SAXO1: variants seen among roughly 807,000 people sequenced by gnomAD.
The protein encoded by SAXO1 is stabilizer of axonemal microtubules 1.
SAXO1 carries 21 observed loss-of-function variants against 17.5 expected under a neutral mutation model. The ratio of observed to expected loss-of-function variants is 1.20; its 90% CI spans 0.85 to 1.72. SAXO1 has a LOEUF of 1.72. Ranked by LOEUF, SAXO1 falls within the 40% of genes most tolerant of loss-of-function variation. The probability of loss-of-function intolerance (pLI) is 0.00; values close to 1 mark genes in which losing one functional copy is unlikely to be tolerated. For synonymous variants in SAXO1, 274 were observed against 216.5 expected, an observed-to-expected ratio of 1.27 and a Z score of -2.33; for missense variants, 843 against 596.0, an observed-to-expected ratio of 1.41 and a Z score of -4.32.
At chr9:18,942,525 T>C (rs73648812) in intron 2 of SAXO1, among the ~76,000 whole-genome samples, 15,406 of 152,248 alleles carry the variant, frequency 0.1, 1,245 homozygotes, top group African/African-American at 0.23. Context: ...TGTTTATCTC[T>C]TTCCTCTACT....
At chr9:19,011,897 G>A (rs1234480687) in intron 1 of SAXO1, among the ~76,000 whole-genome samples, 2 of 143,134 alleles carry the variant, frequency 1.4e-5, no homozygotes, top group Non-Finnish European at 3.0e-5. Flanking sequence ...CCAGGCTAGA[G>A]TGCAGTGGCA....
chr9:18,994,860 G>C (rs1261891826), intron 1 of SAXO1, among the ~76,000 whole-genome samples: 1 of 152,184 alleles, frequency 6.6e-6, no homozygotes, highest in East Asian at 1.9e-4. Context: ...GGATCTGACA[G>C]GCTGCCAGCA....
At chr9:18,943,026 A>C (rs1450023123) in intron 2 of SAXO1, among the ~76,000 whole-genome samples, 2 of 152,222 alleles carry the variant, frequency 1.3e-5, no homozygotes, top group Non-Finnish European at 2.9e-5. Context: ...TCCTGGCCAA[A>C]ATCTGGAGCA....
chr9:18,969,262 T>A (rs1261339748), intron 1 of SAXO1, among the ~76,000 whole-genome samples: 1 of 152,136 alleles, frequency 6.6e-6, no homozygotes, highest in Non-Finnish European at 1.5e-5. Context: ...CTTCTCACAC[T>A]CTGAAGTTTG....
intron 1 of SAXO1, among the ~76,000 whole-genome samples, chr9:19,003,480 C>T (rs146924147): frequency 0.016 from 2,485 of 152,256 alleles, 72 homozygotes; most frequent in African/African-American, 0.056. Context: ...ATCATGCTAC[C>T]TGACTTCAAA....
chr9:19,008,559 G>A (rs898631191), intron 1 of SAXO1, among the ~76,000 whole-genome samples: 4 of 152,184 alleles, frequency 2.6e-5, no homozygotes, highest in Admixed American at 1.3e-4. Flanking sequence ...TATTTGAAGA[G>A]TTGAGTGATT....
rs1055831573 is a variant in SAXO1 at position 18,928,663 on chromosome 9, T to A, written c.814A>T (p.Thr272Ser). 1.9e-6 allele frequency: 3 copies of A among 1,613,900 alleles called. No homozygotes were observed. The Admixed American group carries it at 5.0e-5, about 27-fold the overall frequency. The change falls in exon 4 of 4, where the codon ACT (threonine) becomes TCT (serine). Residue 272 changes from threonine (T) to serine (S), a missense_variant. Thr to Ser is a moderately conservative substitution (Grantham distance 58). Coordinates refer to ENST00000380534, the MANE Select transcript of SAXO1 (RefSeq NM_153707.4). ...GCTTGGTACTTATCTCGAAACTCAG[T>A]GGTGTTACAGAAAGGCATGTCTAGC... ...PGLDMPFCNT[T>S]EFRDKYQAWP...
chr9:19,019,074 A>C (rs1402741904), intron 1 of SAXO1, among the ~76,000 whole-genome samples: 2 of 151,718 alleles, frequency 1.3e-5, no homozygotes, highest in East Asian at 3.9e-4. Context: ...ATGCCATTGC[A>C]CTCCAGCCTG....
At chr9:18,977,751 T>C (rs939626111) in intron 1 of SAXO1, among the ~76,000 whole-genome samples, 49 of 152,040 alleles carry the variant, frequency 3.2e-4, no homozygotes, top group African/African-American at 1.1e-3. Context: ...TCCCAGCACT[T>C]TGAGATGCCA....
At chr9:18,974,608 C>G (rs1203878186) in intron 1 of SAXO1, among the ~76,000 whole-genome samples, 1 of 152,140 alleles carries the variant, frequency 6.6e-6, no homozygotes, top group Non-Finnish European at 1.5e-5. Context: ...CTGGAAGGAG[C>G]TCAAACAGGG....
intron 1 of SAXO1, among the ~76,000 whole-genome samples, chr9:18,988,911 C>T (rs1833696677): frequency 6.6e-6 from 1 of 152,094 alleles, no homozygotes; most frequent in South Asian, 2.1e-4. Context: ...TGTACCTGAG[C>T]ATAGTTTGTG....
chr9:18,987,116 CAA>C (rs1704999697), intron 1 of SAXO1, among the ~76,000 whole-genome samples: 1 of 152,118 alleles, frequency 6.6e-6, no homozygotes, highest in African/African-American at 2.4e-5. Flanking sequence ...AAAAAAACAG[CAA>C]AGTGATTGTC....
chr9:18,988,715 A>G (rs1252358236), intron 1 of SAXO1, among the ~76,000 whole-genome samples: 1 of 152,194 alleles, frequency 6.6e-6, no homozygotes, highest in African/African-American at 2.4e-5. Context: ...TATTACAGTG[A>G]TGTAAATTGC....
intron 1 of SAXO1, among the ~76,000 whole-genome samples, chr9:18,987,591 G>A (rs980011711): frequency 2.6e-5 from 4 of 152,274 alleles, no homozygotes; most frequent in Admixed American, 1.3e-4. Flanking sequence ...GGGTAAGCAA[G>A]AGCAAAAACT....
At chr9:19,019,446 G>A (rs546761474) in intron 1 of SAXO1, among the ~76,000 whole-genome samples, 65 of 151,798 alleles carry the variant, frequency 4.3e-4, no homozygotes, top group African/African-American at 1.4e-3. Flanking sequence ...AGTATACTTC[G>A]GCCGGACAAG....
chr9:19,037,874 C>G (rs559165373), upstream of SAXO1, among the ~76,000 whole-genome samples: 1 of 152,286 alleles, frequency 6.6e-6, no homozygotes, highest in East Asian at 1.9e-4. Flanking sequence ...TATTACAAAT[C>G]AGAACACTGA....
chr9:19,047,305 A>G lies in SAXO1; in HGVS notation c.-158+1904T>C, dbSNP rs547569440. On this transcript the variant is annotated intron_variant, in intron 1 of 3. Transcript: ENST00000542071. The stretch of plus-strand genomic sequence containing the variant: ...CTTGAACCCAGGAGGTGGAGGTTGC[A>G]GTGAGCCAAGATCGTGCAACTACAC... Among the ~76,000 whole-genome samples the G allele has an allele frequency of 2.6e-5, 4 of 152,344 alleles. No individual in the cohort carries two copies. The East Asian group carries it at 7.7e-4, about 29-fold the overall frequency.
chr9:18,980,492 A>T (rs971199168), intron 1 of SAXO1, among the ~76,000 whole-genome samples: 1 of 122,424 alleles, frequency 8.2e-6, no homozygotes, highest in Non-Finnish European at 1.6e-5. Context: ...CCAAAAGGAG[A>T]ATGTTTTGTC....
At position 18,928,527 on chromosome 9, in the gene SAXO1, G is replaced by A. The variant is rs143845567; in HGVS notation, c.950C>T (p.Ala317Val). 3.8e-5 allele frequency: 61 copies of A among 1,613,900 alleles called. No individual in the cohort carries two copies. In the African/African-American group the frequency reaches 7.1e-4, roughly 19 times the overall value. The change falls in exon 4 of 4, where the codon GCC (alanine) becomes GTC (valine). Residue 317 changes from alanine (A) to valine (V), a missense_variant. Coordinates refer to ENST00000380534, the MANE Select transcript of SAXO1 (RefSeq NM_153707.4). ...VQAHYTCPKG[A>V]PAQSCRPALQ... Reference sequence around the variant, plus strand: ...TGCAGGTCGGCAGGACTGAGCTGGGGCACCCTTAGGGCATGTGTAATGGGC... The same window carrying A: ...TGCAGGTCGGCAGGACTGAGCTGGGACACCCTTAGGGCATGTGTAATGGGC...
Sources: gnomAD v4.1 joint callset for allele counts (sites outside exome capture counted in the v4.1 genomes callset) on GRCh38, gnomAD v4.1.1 for gene constraint, MANE v1.5 for transcripts, NCBI Gene and HGNC (gene_info 2026-07-23, HGNC 2026-07-21) for gene names.